Variants in LCOR observed in about 807,000 individuals in gnomAD.
LCOR encodes the protein ligand-dependent corepressor.
LCOR carries 14 observed loss-of-function variants against 64.4 expected under a neutral mutation model. The ratio of observed to expected loss-of-function variants is 0.22; its 90% CI spans 0.14 to 0.34. The LOEUF is 0.34. Among genes scored for constraint, LCOR ranks in the 10% least tolerant of loss-of-function variants. The pLI is 1.00. For synonymous variants in LCOR, 643 were observed against 642.5 expected, an observed-to-expected ratio of 1.00 and a Z score of -0.01; for missense variants, 1,686 against 1,765.3, an observed-to-expected ratio of 0.96 and a Z score of 0.80.
intron 4 of LCOR, among the ~76,000 whole-genome samples, chr10:96,919,063 A>G (rs1350785870): frequency 1.3e-5 from 2 of 152,352 alleles, no homozygotes; most frequent in East Asian, 3.8e-4. Flanking sequence ...ATATTTTGTC[A>G]GTGTAAAAAC....
At chr10:96,840,007 A>G (rs1334297048) in intron 2 of LCOR, among the ~76,000 whole-genome samples, 1 of 152,174 alleles carries the variant, frequency 6.6e-6, no homozygotes, top group African/African-American at 2.4e-5. Flanking sequence ...GTGCTAAGTT[A>G]AATATACTGT....
intron 5 of LCOR, among the ~76,000 whole-genome samples, chr10:96,944,704 A>AT (rs563205244): frequency 2.0e-4 from 30 of 151,878 alleles, no homozygotes; most frequent in Non-Finnish European, 3.5e-4. Flanking sequence ...TTTCACTAAA[A>AT]TTTTTTATAT....
intron 7 of LCOR, among the ~76,000 whole-genome samples, chr10:96,954,643 A>ATTTTC (rs2134532244): frequency 6.6e-6 from 1 of 152,148 alleles, no homozygotes; most frequent in East Asian, 1.9e-4. Context: ...TTAAGATGCT[A>ATTTTC]TTTTCAGACA....
At chr10:96,951,583 G>A (rs1564635949) in intron 6 of LCOR, among the ~76,000 whole-genome samples, 1 of 151,976 alleles carries the variant, frequency 6.6e-6, no homozygotes, top group Non-Finnish European at 1.5e-5. Flanking sequence ...GTATATACAT[G>A]TACTTTAATG....
chr10:96,903,288 C>G (rs535081469), intron 2 of LCOR, among the ~76,000 whole-genome samples: 1 of 152,272 alleles, frequency 6.6e-6, no homozygotes, highest in African/African-American at 2.4e-5. Flanking sequence ...AAAGTAATTG[C>G]AGTCCAACAT....
At chr10:96,891,692 G>A (rs1044007903) in intron 2 of LCOR, among the ~76,000 whole-genome samples, 7 of 151,298 alleles carry the variant, frequency 4.6e-5, no homozygotes, top group East Asian at 1.9e-4. Flanking sequence ...ACAGGTGCAC[G>A]CCACCACGTC....
intron 7 of LCOR, chr10:96,956,870 A>G (rs1055621832): frequency 4.1e-6 from 4 of 984,624 alleles, no homozygotes; most frequent in Non-Finnish European, 4.8e-6. Flanking sequence ...CATTGCAGCA[A>G]CTAGACTAAG....
intron 2 of LCOR, among the ~76,000 whole-genome samples, chr10:96,872,890 A>G (rs1385826082): frequency 6.6e-6 from 1 of 152,194 alleles, no homozygotes; most frequent in Non-Finnish European, 1.5e-5. Flanking sequence ...CTTGTATTTA[A>G]AAGGTTATTT....
intron 7 of LCOR, among the ~76,000 whole-genome samples, chr10:96,953,766 C>T (rs1847720787): frequency 6.6e-6 from 1 of 152,096 alleles, no homozygotes; most frequent in Admixed American, 6.5e-5. Context: ...AAAAATGCAC[C>T]AATAGGATTG....
chr10:96,938,708 A>T (rs1047861374), intron 4 of LCOR, among the ~76,000 whole-genome samples: 19 of 152,380 alleles, frequency 1.2e-4, no homozygotes, highest in Middle Eastern at 3.4e-3. Context: ...CATTAAAAAA[A>T]AATAATAATT....
chr10:96,857,088 G>GTA (rs966994434), intron 2 of LCOR, among the ~76,000 whole-genome samples: 1 of 145,638 alleles, frequency 6.9e-6, no homozygotes, highest in Non-Finnish European at 1.5e-5. Flanking sequence ...ATATATATAT[G>GTA]TATATATATG....
chr10:96,873,085 T>G (rs548205338), intron 2 of LCOR, among the ~76,000 whole-genome samples: 56 of 152,196 alleles, frequency 3.7e-4, no homozygotes, highest in African/African-American at 1.2e-3. Flanking sequence ...GGATGGATGG[T>G]TGGAAGGATA....
chr10:96,938,129 T>A (rs546489910), intron 4 of LCOR, among the ~76,000 whole-genome samples: 2 of 152,194 alleles, frequency 1.3e-5, no homozygotes, highest in East Asian at 3.9e-4. Flanking sequence ...AATAATTTTT[T>A]AACTGATTTG....
chr10:96,838,275 T>A (rs1845480483), intron 2 of LCOR, among the ~76,000 whole-genome samples: 1 of 152,194 alleles, frequency 6.6e-6, no homozygotes, highest in African/African-American at 2.4e-5. Flanking sequence ...CACTGTCTAA[T>A]TCCAGAACAT....
chr10:96,870,561 A>G (rs536399689), intron 2 of LCOR, among the ~76,000 whole-genome samples: 3 of 152,168 alleles, frequency 2.0e-5, no homozygotes, highest in African/African-American at 7.2e-5. Context: ...ACTAATTTCA[A>G]GTCTTTTTAA....
intron 2 of LCOR, among the ~76,000 whole-genome samples, chr10:96,836,706 C>T (rs1418844852): frequency 2.6e-5 from 4 of 152,182 alleles, no homozygotes; most frequent in Non-Finnish European, 4.4e-5. Context: ...ATTTTTGCTT[C>T]GTTCTGATGG....
chr10:96,854,821 A>G (rs188885763), intron 2 of LCOR, among the ~76,000 whole-genome samples: 18 of 152,332 alleles, frequency 1.2e-4, no homozygotes, highest in Admixed American at 2.6e-4. Context: ...TCAGAGTGTA[A>G]TTGCATTCAT....
At chr10:96,947,614 G>A (rs1589676018) in intron 5 of LCOR, among the ~76,000 whole-genome samples, 1 of 152,248 alleles carries the variant, frequency 6.6e-6, no homozygotes, top group East Asian at 1.9e-4. Flanking sequence ...CCTCAAAAGT[G>A]TGGTGGGAAG....
intron 7 of LCOR, among the ~76,000 whole-genome samples, chr10:96,953,202 T>G (rs901756912): frequency 1.2e-4 from 19 of 152,090 alleles, no homozygotes; most frequent in Admixed American, 9.8e-4. Flanking sequence ...TTCACTATGG[T>G]TTATACTAGA....
Sources: allele counts gnomAD v4.1 joint callset (sites outside exome capture counted in the v4.1 genomes callset), GRCh38; gene constraint gnomAD v4.1.1; transcripts MANE v1.5; gene names NCBI Gene and HGNC (gene_info 2026-07-23, HGNC 2026-07-21).